The following PHC3 variants were observed in gnomAD, a reference collection of about 807,000 sequenced individuals.
The protein encoded by PHC3 is polyhomeotic homolog 3.
Under a neutral mutation model 107.4 loss-of-function variants are expected in PHC3, and 13 were observed. The ratio of observed to expected loss-of-function variants is 0.12; its 90% CI spans 0.08 to 0.19. The LOEUF is 0.19. PHC3 is among the 10% of genes least tolerant of loss of function. PHC3 has a pLI of 1.00. For synonymous variants in PHC3, 456 were observed against 427.4 expected (o/e 1.07, Z -0.83); for missense variants, 992 against 1,210.9 (o/e 0.82, Z 2.68).
At chr3:170,165,241 T>C (rs1728533323) in intron 4 of PHC3, among the ~76,000 whole-genome samples, 1 of 152,176 alleles carries the variant, frequency 6.6e-6, no homozygotes, top group Non-Finnish European at 1.5e-5. Context: ...TGGGGACTCA[T>C]ACTTGCACCC....
At chr3:170,168,950 ATT>A (rs762004298) in intron 4 of PHC3, among the ~76,000 whole-genome samples, 1 of 138,352 alleles carries the variant, frequency 7.2e-6, no homozygotes. Context: ...AGTGTTTCGG[ATT>A]TTTTTTTTTT....
intron 4 of PHC3, among the ~76,000 whole-genome samples, chr3:170,153,173 C>T (rs1391443193): frequency 6.6e-6 from 1 of 152,196 alleles, no homozygotes; most frequent in Non-Finnish European, 1.5e-5. Context: ...ACAGCTTCTC[C>T]TCAAATGGCA....
intron 4 of PHC3, among the ~76,000 whole-genome samples, chr3:170,156,722 T>C (rs1726961724): frequency 1.3e-5 from 2 of 152,022 alleles, no homozygotes; most frequent in African/African-American, 4.8e-5. Context: ...CTCAGCCTCC[T>C]GAGTAGCTGG....
At chr3:170,172,459 A>G in intron 3 of PHC3, 98 bp downstream of exon 3, 1 of 1,315,304 alleles carries the variant, frequency 7.6e-7, no homozygotes, top group Non-Finnish European at 1.0e-6. Context: ...ACCACAGGAC[A>G]TCTGAGAACT....
intron 4 of PHC3, among the ~76,000 whole-genome samples, chr3:170,167,772 A>AC (rs1395605795): frequency 6.6e-6 from 1 of 151,790 alleles, no homozygotes; most frequent in Non-Finnish European, 1.5e-5. Flanking sequence ...AAAAAAAAAA[A>AC]AAAGTCTTTC....
chr3:170,104,044 C>T (rs1715994646), intron 12 of PHC3, among the ~76,000 whole-genome samples: 1 of 151,914 alleles, frequency 6.6e-6, no homozygotes, highest in Admixed American at 6.6e-5. Context: ...CACTCCAGCA[C>T]AGGTGACAGA....
chr3:170,110,583 C>A (rs150299686), intron 11 of PHC3, among the ~76,000 whole-genome samples: 1,856 of 152,284 alleles, frequency 0.012, 40 homozygotes, highest in African/African-American at 0.042. Flanking sequence ...TTCAGTGTGA[C>A]TATACCATCT....
chr3:170,127,521 T>C (rs1296995690), intron 8 of PHC3, among the ~76,000 whole-genome samples: 3 of 152,244 alleles, frequency 2.0e-5, no homozygotes, highest in African/African-American at 7.2e-5. Context: ...TCTGTGCCTA[T>C]TAAGATCAGT....
chr3:170,152,347 T>A (rs541859197), intron 4 of PHC3, among the ~76,000 whole-genome samples: 1 of 148,916 alleles, frequency 6.7e-6, no homozygotes, highest in East Asian at 2.0e-4. Context: ...ATTTTTTTTT[T>A]TTTTTTTTTT....
chr3:170,111,345 CGGAAA>C (rs1459570999), intron 11 of PHC3, among the ~76,000 whole-genome samples: 2 of 77,928 alleles, frequency 2.6e-5, no homozygotes, highest in Admixed American at 1.6e-4. Context: ...AACAAAAGAA[CGGAAA>C]GGAAAGGGAA....
intron 11 of PHC3, among the ~76,000 whole-genome samples, chr3:170,113,000 G>GCTAACTCA (rs1718138595): frequency 6.6e-6 from 1 of 152,086 alleles, no homozygotes; most frequent in Admixed American, 6.5e-5. Context: ...AAAATTTTAA[G>GCTAACTCA]CTAACTCACT....
intron 4 of PHC3, among the ~76,000 whole-genome samples, chr3:170,158,560 A>ACCACTGCACT (rs1727275993): frequency 6.6e-6 from 1 of 151,704 alleles, no homozygotes; most frequent in Admixed American, 6.6e-5. Context: ...CCAAGACCAC[A>ACCACTGCACT]CCACTGCACT....
chr3:170,136,839 A>G (rs1168617459), intron 6 of PHC3, among the ~76,000 whole-genome samples, 174 bp from the exon 7 acceptor site: 1 of 152,146 alleles, frequency 6.6e-6, no homozygotes, highest in Non-Finnish European at 1.5e-5. Flanking sequence ...TATTATTCTA[A>G]GTAATCACAT....
At chr3:170,126,880 CT>C (rs1721395792) in intron 8 of PHC3, among the ~76,000 whole-genome samples, 1 of 151,878 alleles carries the variant, frequency 6.6e-6, no homozygotes, top group Non-Finnish European at 1.5e-5. Flanking sequence ...ATAGCTTCCC[CT>C]AACATAAACA....
chr3:170,171,094 AAT>A (rs1729513234), intron 4 of PHC3: 1 of 471,916 alleles, frequency 2.1e-6, no homozygotes, highest in African/African-American at 2.0e-5. Context: ...TTAGGCTTTC[AAT>A]ACACACAGAA....
At chr3:170,163,459 AGAGTGTGT>A (rs1428892556) in intron 4 of PHC3, among the ~76,000 whole-genome samples, 2 of 84,446 alleles carry the variant, frequency 2.4e-5, no homozygotes, top group Non-Finnish European at 4.7e-5. Flanking sequence ...TATTTAGTAA[AGAGTGTGT>A]GTGTGTGTGT....
At chr3:170,162,920 T>G (rs1450607965) in intron 4 of PHC3, among the ~76,000 whole-genome samples, 1 of 152,068 alleles carries the variant, frequency 6.6e-6, no homozygotes, top group Non-Finnish European at 1.5e-5. Flanking sequence ...AAGGCCACCT[T>G]TATTAACAAG....
chr3:170,112,442 C>G (rs1463278853), intron 11 of PHC3, among the ~76,000 whole-genome samples: 1 of 150,386 alleles, frequency 6.6e-6, no homozygotes, highest in Non-Finnish European at 1.5e-5. Flanking sequence ...CCAGGATGGT[C>G]TTGATCTCTT....
intron 11 of PHC3, among the ~76,000 whole-genome samples, chr3:170,110,483 C>T (rs1051793490): frequency 7.9e-5 from 12 of 152,168 alleles, no homozygotes; most frequent in Admixed American, 2.6e-4. Flanking sequence ...ATTAAATCCA[C>T]GACCCACTTC....
Sources: allele counts gnomAD v4.1 joint callset (sites outside exome capture counted in the v4.1 genomes callset), GRCh38; gene constraint gnomAD v4.1.1; transcripts MANE v1.5; gene names NCBI Gene and HGNC (gene_info 2026-07-23, HGNC 2026-07-21).